Variants in ATP9A observed in about 807,000 individuals in gnomAD.
ATP9A encodes the protein ATPase phospholipid transporting 9A.
ATP9A carries 52 observed loss-of-function variants against 144.1 expected under a neutral mutation model. The observed-to-expected ratio is 0.36, with a 90% CI of 0.29 to 0.45. The LOEUF is 0.45. Among genes scored for constraint, ATP9A ranks in the 20% least tolerant of loss-of-function variants. ATP9A has a pLI of 1.00. For synonymous variants in ATP9A, 582 were observed against 557.4 expected (o/e 1.04, Z -0.62); for missense variants, 947 against 1,392.7 (o/e 0.68, Z 5.09).
At chr20:51,706,000 A>C (rs951618047) in intron 4 of ATP9A, among the ~76,000 whole-genome samples, 1 of 152,202 alleles carries the variant, frequency 6.6e-6, no homozygotes, top group Non-Finnish European at 1.5e-5. Flanking sequence ...CTGATGTTTA[A>C]ATGTGAATTT....
rs532718263 is a variant in ATP9A, at chr20:51,756,813, T to C, written c.68+11489A>G. Among the ~76,000 whole-genome samples, 3 of 152,234 alleles carry C rather than the reference T, an allele frequency of 2.0e-5. No individual in the cohort carries two copies. The South Asian group carries it at 6.2e-4, about 32-fold the overall frequency. On this transcript the variant is annotated intron_variant, in intron 1 of 27. Transcript: ENST00000338821. ...CCAAATGTTCTAACAGCACAAGGCT[T>C]CCTTAATTACTAAATCAGAAAGCTG...
chr20:51,729,765 T>C (rs2077732020), intron 2 of ATP9A, 69 bp downstream of exon 2: 29 of 1,426,470 alleles, frequency 2.0e-5, no homozygotes, highest in East Asian at 1.3e-4. Flanking sequence ...TGACATGACA[T>C]AACATCTGTA....
intron 14 of ATP9A, among the ~76,000 whole-genome samples, chr20:51,648,278 C>A (rs969977409): frequency 1.2e-4 from 18 of 152,196 alleles, no homozygotes; most frequent in African/African-American, 4.3e-4. Flanking sequence ...AGATTGCCTG[C>A]CCTCCCCGGC....
intron 14 of ATP9A, among the ~76,000 whole-genome samples, chr20:51,645,262 G>A (rs984625476): frequency 6.6e-6 from 1 of 152,182 alleles, no homozygotes. Flanking sequence ...GCTCACACCT[G>A]TAATCCCAGC....
intron 9 of ATP9A, among the ~76,000 whole-genome samples, chr20:51,686,270 C>T (rs1418582853): frequency 6.6e-6 from 1 of 151,352 alleles, no homozygotes; most frequent in Non-Finnish European, 1.5e-5. Flanking sequence ...ATGTACATGA[C>T]GAGTTAATGG....
chr20:51,626,306 T>G (rs112770635), intron 17 of ATP9A, among the ~76,000 whole-genome samples: 1 of 151,910 alleles, frequency 6.6e-6, no homozygotes, highest in South Asian at 2.1e-4. Flanking sequence ...CTGGCCAACA[T>G]GGCAAAACCG....
chr20:51,654,062 G>C (rs1390088919), intron 14 of ATP9A, among the ~76,000 whole-genome samples: 2 of 152,064 alleles, frequency 1.3e-5, no homozygotes, highest in Non-Finnish European at 2.9e-5. Flanking sequence ...ACAAGTCCAA[G>C]TAGATCAGGA....
intron 7 of ATP9A, among the ~76,000 whole-genome samples, chr20:51,693,456 G>C (rs760239468): frequency 2.0e-5 from 3 of 152,186 alleles, no homozygotes; most frequent in African/African-American, 7.2e-5. Context: ...AGCTGAAGAC[G>C]ACAGCAAGCA....
intron 9 of ATP9A, among the ~76,000 whole-genome samples, chr20:51,684,867 C>T (rs1411028353): frequency 1.3e-5 from 2 of 150,846 alleles, no homozygotes; most frequent in African/African-American, 4.9e-5. Flanking sequence ...AAAAATTAGC[C>T]TGGCGTAGTG....
chr20:51,744,877 C>T (rs8117418), intron 1 of ATP9A, among the ~76,000 whole-genome samples: 2 of 152,210 alleles, frequency 1.3e-5, no homozygotes, highest in South Asian at 4.1e-4. Context: ...TGCCTGTAAT[C>T]CCAGTACTTT....
chr20:51,697,766 G>T (rs561293156), intron 4 of ATP9A, among the ~76,000 whole-genome samples: 3 of 152,294 alleles, frequency 2.0e-5, no homozygotes, highest in Admixed American at 2.0e-4. Flanking sequence ...TAGATGGAAA[G>T]TAGTGGGGGG....
At position 51,682,577 on chromosome 20, in the gene ATP9A, C is replaced by CTTTTTTTTTTTTTTTTTTTTT. The variant is rs60505207; in HGVS notation, c.800-6390_800-6370dup. Among the ~76,000 whole-genome samples, 91 of 35,084 alleles carry CTTTTTTTTTTTTTTTTTTTTT rather than the reference C, an allele frequency of 2.6e-3. 23 individuals are homozygous for CTTTTTTTTTTTTTTTTTTTTT. The highest frequency in any genetic ancestry group is 2.8e-3 in the Non-Finnish European group (53 of 18,830). 23.0% of individuals were successfully genotyped at this position (35,084 alleles called of 152,430 possible). ...TAAAGTGTGTTGCTTTTCACTGTATCTTTTTTTTTTTTTTTTTTTTTTTTT... is the reference window on the plus strand; with the variant it reads ...TAAAGTGTGTTGCTTTTCACTGTATCTTTTTTTTTTTTTTTTTTTTTTTTTTTTTTTTTTTTTTTTTTTTTT... On this transcript the variant is annotated intron_variant, in intron 9 of 27. Coordinates refer to ENST00000338821, the MANE Select transcript of ATP9A (RefSeq NM_006045.3).
chr20:51,629,163 G>A, intron 15 of ATP9A, 91 bp from the exon 16 acceptor site: 3 of 1,040,432 alleles, frequency 2.9e-6, no homozygotes, highest in Non-Finnish European at 4.4e-6. Flanking sequence ...AGTGTACAAA[G>A]TGCACTTAAC....
intron 1 of ATP9A, among the ~76,000 whole-genome samples, chr20:51,733,953 T>C (rs560285352): frequency 4.7e-4 from 72 of 151,852 alleles, no homozygotes; most frequent in African/African-American, 1.6e-3. Context: ...GGGTTACAAG[T>C]TGTGCCACCA....
At chr20:51,626,643 C>T (rs1306248320) in intron 17 of ATP9A, among the ~76,000 whole-genome samples, 2 of 150,196 alleles carry the variant, frequency 1.3e-5, no homozygotes, top group African/African-American at 4.9e-5. Flanking sequence ...GACCCCGTCT[C>T]AGAATAAATG....
chr20:51,609,201 G>A (rs575648764), intron 24 of ATP9A, among the ~76,000 whole-genome samples: 6 of 152,240 alleles, frequency 3.9e-5, no homozygotes, highest in Admixed American at 1.3e-4. Flanking sequence ...ACCAGACCAC[G>A]GAAGGTCGCA....
intron 1 of ATP9A, among the ~76,000 whole-genome samples, chr20:51,745,918 G>A (rs1388980498): frequency 6.6e-6 from 1 of 152,040 alleles, no homozygotes; most frequent in African/African-American, 2.4e-5. Flanking sequence ...GCAAAGACAT[G>A]GAATCAACCT....
At chr20:51,735,021 G>T in intron 1 of ATP9A, 1 of 204,194 alleles carries the variant, frequency 4.9e-6, no homozygotes, top group Non-Finnish European at 1.0e-5. Flanking sequence ...TTCAGTTCCA[G>T]CTCAGGCTCT....
intron 8 of ATP9A, among the ~76,000 whole-genome samples, chr20:51,690,124 A>AAC (rs2077541002): frequency 6.8e-6 from 1 of 146,888 alleles, no homozygotes; most frequent in Non-Finnish European, 1.5e-5. Context: ...AAAAAAAAAA[A>AAC]AAAAAAAAAA....
Sources: gnomAD v4.1 joint callset for allele counts (sites outside exome capture counted in the v4.1 genomes callset) on GRCh38, gnomAD v4.1.1 for gene constraint, MANE v1.5 for transcripts, NCBI Gene and HGNC (gene_info 2026-07-23, HGNC 2026-07-21) for gene names.